Variants in ATP8B4 observed in about 807,000 individuals in gnomAD.
ATP8B4 encodes the protein ATPase phospholipid transporting 8B4 (putative).
ATP8B4 carries 133 observed loss-of-function variants against 145.6 expected under a neutral mutation model. That is an observed-to-expected ratio of 0.91 (90% confidence interval 0.79 to 1.05). The LOEUF (loss-of-function observed/expected upper bound fraction) is 1.05, where lower values mean the gene tolerates loss of function less well. ATP8B4 is among the 50% of genes least tolerant of loss of function. The pLI is 0.00. For synonymous variants in ATP8B4, 507 were observed against 492.9 expected (o/e 1.03, Z -0.38); for missense variants, 1,458 against 1,425.2 (o/e 1.02, Z -0.37).
intron 3 of ATP8B4, among the ~76,000 whole-genome samples, chr15:50,054,799 A>G (rs1418592679): frequency 1.4e-5 from 2 of 139,462 alleles, no homozygotes; most frequent in Non-Finnish European, 1.5e-5. Context: ...AAAAAAAAAA[A>G]AAAAAAAAAA....
At chr15:50,131,395 C>G (rs180714380) in intron 1 of ATP8B4, among the ~76,000 whole-genome samples, 1 of 152,132 alleles carries the variant, frequency 6.6e-6, no homozygotes, top group Non-Finnish European at 1.5e-5. Flanking sequence ...AGAACTTTCA[C>G]AAAGCTGCAG....
chr15:49,960,534 A>G (rs1421499809), intron 14 of ATP8B4, among the ~76,000 whole-genome samples: 3 of 152,352 alleles, frequency 2.0e-5, no homozygotes, highest in Middle Eastern at 3.4e-3. Context: ...TTTACATCCC[A>G]CACCAGGATA....
At chr15:50,058,704 C>T (rs2052782582) in intron 3 of ATP8B4, among the ~76,000 whole-genome samples, 1 of 152,160 alleles carries the variant, frequency 6.6e-6, no homozygotes, top group Non-Finnish European at 1.5e-5. Context: ...CCAGGGGGTA[C>T]TGGAGCAACT....
chr15:49,922,961 A>C (rs185377809), intron 17 of ATP8B4, among the ~76,000 whole-genome samples: 9 of 152,316 alleles, frequency 5.9e-5, no homozygotes, highest in African/African-American at 1.9e-4. Context: ...ACACAACTCT[A>C]AACTTTCCCT....
chr15:50,144,806 C>T (rs1339297751), intron 1 of ATP8B4, among the ~76,000 whole-genome samples: 2 of 151,884 alleles, frequency 1.3e-5, no homozygotes, highest in Non-Finnish European at 2.9e-5. Flanking sequence ...CCCTAACTAT[C>T]AACTCATATC....
chr15:50,086,619 AAAT>A (rs1482330177), intron 2 of ATP8B4, among the ~76,000 whole-genome samples: 1 of 117,028 alleles, frequency 8.5e-6, no homozygotes, highest in Non-Finnish European at 1.6e-5. Context: ...ATATATAATA[AAAT>A]AATAGAGATC....
intron 1 of ATP8B4, among the ~76,000 whole-genome samples, chr15:50,164,824 C>T (rs2044572613): frequency 6.6e-6 from 1 of 152,226 alleles, no homozygotes; most frequent in African/African-American, 2.4e-5. Context: ...TCTTAACACT[C>T]TCTTCATGGG....
chr15:49,945,819 T>C (rs2042516977), intron 14 of ATP8B4, among the ~76,000 whole-genome samples: 1 of 151,860 alleles, frequency 6.6e-6, no homozygotes, highest in Non-Finnish European at 1.5e-5. Context: ...AAAGAAACTC[T>C]CAACAAAAAA....
chr15:50,150,494 C>T (rs1419354017), intron 1 of ATP8B4, among the ~76,000 whole-genome samples: 2 of 151,898 alleles, frequency 1.3e-5, no homozygotes, highest in African/African-American at 2.4e-5. Context: ...CCCTCAGTAC[C>T]AGGATGGATT....
intron 2 of ATP8B4, among the ~76,000 whole-genome samples, chr15:50,094,265 G>A (rs995314711): frequency 3.3e-5 from 5 of 152,082 alleles, no homozygotes; most frequent in African/African-American, 1.2e-4. Context: ...CTGAGTAGAA[G>A]GAACTCCTCT....
chr15:49,865,079 A>G (rs966387982), intron 26 of ATP8B4, among the ~76,000 whole-genome samples: 3 of 152,180 alleles, frequency 2.0e-5, no homozygotes, highest in African/African-American at 7.2e-5. Flanking sequence ...CAGAAAGACT[A>G]AGGTAGGATT....
At chr15:49,907,418 AG>A (rs1429073445) in intron 20 of ATP8B4, among the ~76,000 whole-genome samples, 2 of 152,200 alleles carry the variant, frequency 1.3e-5, no homozygotes, top group African/African-American at 4.8e-5. Context: ...ACCTCCAAAA[AG>A]CTGTCTATTT....
At chr15:50,137,066 G>A (rs914702676) in intron 1 of ATP8B4, among the ~76,000 whole-genome samples, 1 of 152,132 alleles carries the variant, frequency 6.6e-6, no homozygotes, top group Non-Finnish European at 1.5e-5. Context: ...TGGACATATT[G>A]ATGTCCTACA....
At chr15:50,057,905 C>T (rs2052720139) in intron 3 of ATP8B4, among the ~76,000 whole-genome samples, 1 of 151,512 alleles carries the variant, frequency 6.6e-6, no homozygotes, top group Non-Finnish European at 1.5e-5. Context: ...TTTTTTTCTC[C>T]AGGGTGTTTA....
At chr15:50,019,629 T>C (rs890313267) in intron 6 of ATP8B4, among the ~76,000 whole-genome samples, 4 of 152,356 alleles carry the variant, frequency 2.6e-5, no homozygotes, top group Admixed American at 2.6e-4. Context: ...TCACTTTCTC[T>C]ACTTCTTGAC....
intron 1 of ATP8B4, among the ~76,000 whole-genome samples, chr15:50,137,249 G>A (rs1375494554): frequency 1.3e-5 from 2 of 152,296 alleles, no homozygotes; most frequent in Middle Eastern, 3.4e-3. Context: ...TTACCCAAGT[G>A]GAGTTACCTA....
intron 25 of ATP8B4, among the ~76,000 whole-genome samples, chr15:49,874,868 A>C (rs1363392506): frequency 1.3e-5 from 2 of 152,208 alleles, no homozygotes; most frequent in Non-Finnish European, 2.9e-5. Context: ...ATTCAACTGG[A>C]ATAAGAACTG....
intron 1 of ATP8B4, among the ~76,000 whole-genome samples, chr15:50,167,378 T>C (rs532098341): frequency 6.6e-6 from 1 of 152,314 alleles, no homozygotes; most frequent in East Asian, 1.9e-4. Context: ...TCATACCTTT[T>C]AGTGCCTGCT....
intron 13 of ATP8B4, among the ~76,000 whole-genome samples, chr15:49,966,991 A>C (rs2044611415): frequency 1.3e-5 from 2 of 152,166 alleles, no homozygotes; most frequent in East Asian, 1.9e-4. Context: ...TCTGGAGTGG[A>C]CCTCCAGCAA....
Sources: allele counts gnomAD v4.1 joint callset (sites outside exome capture counted in the v4.1 genomes callset), GRCh38; gene constraint gnomAD v4.1.1; transcripts MANE v1.5; gene names NCBI Gene and HGNC (gene_info 2026-07-23, HGNC 2026-07-21).